Variants in STXBP5 observed in about 807,000 individuals in gnomAD.
The protein encoded by STXBP5 is syntaxin-binding protein 5.
A neutral mutation model predicts 152.4 loss-of-function variants in STXBP5; 50 were observed. The ratio of observed to expected loss-of-function variants is 0.33; its 90% CI spans 0.26 to 0.42. STXBP5 has a LOEUF of 0.42. Ranked by LOEUF, STXBP5 falls within the 10% of genes least tolerant of loss-of-function variation. The probability of loss-of-function intolerance (pLI) is 1.00; values close to 1 mark genes in which losing one functional copy is unlikely to be tolerated. For synonymous variants in STXBP5, 492 were observed against 494.7 expected (o/e 0.99, Z 0.07); for missense variants, 1,167 against 1,388.6 (o/e 0.84, Z 2.54).
chr6:147,347,395 CATG>C (rs1002683428), intron 21 of STXBP5, among the ~76,000 whole-genome samples: 2 of 152,240 alleles, frequency 1.3e-5, no homozygotes, highest in African/African-American at 4.8e-5. Context: ...AGAACTACCT[CATG>C]ATGAAAGTTC....
Position 147,240,933 on chromosome 6 carries a change from A to G in STXBP5, c.431+1663A>G, listed in dbSNP as rs1778510059. On this transcript the variant is annotated intron_variant, in intron 4 of 27. Transcript: ENST00000321680. ...TGAGGTAACTGGTGACTTTTTTGAC[A>G]TAGTAGGTACTTAGTAAGTATTTGA... is the stretch of plus-strand genomic sequence containing the variant. 2.0e-5 allele frequency among the ~76,000 whole-genome samples: 3 copies of G among 152,276 alleles called. No homozygotes were observed. The South Asian group carries it at 6.2e-4, about 32-fold the overall frequency.
intron 9 of STXBP5, among the ~76,000 whole-genome samples, chr6:147,306,218 A>G (rs2128366530): frequency 6.6e-6 from 1 of 152,272 alleles, no homozygotes; most frequent in Non-Finnish European, 1.5e-5. Context: ...GGTATTTTGA[A>G]TATTTCTTTG....
At chr6:147,372,148 G>C (rs752119778) in intron 25 of STXBP5, among the ~76,000 whole-genome samples, 44 of 152,070 alleles carry the variant, frequency 2.9e-4, no homozygotes, top group Non-Finnish European at 5.9e-4. Flanking sequence ...AAAAACGTAA[G>C]AGCTTCAGTC....
In STXBP5 at chr6:147,339,172, T is replaced by G. The variant is rs1783975938; in HGVS notation, c.2147-7T>G. Reference sequence around the variant, plus strand: ...ACCTATTCCTTCCGTTGTCTTCATTTGTGTAGGTTCTTCATCACCACACAA... The same window carrying G: ...ACCTATTCCTTCCGTTGTCTTCATTGGTGTAGGTTCTTCATCACCACACAA... On this transcript the variant is annotated splice_polypyrimidine_tract_variant and splice_region_variant and intron_variant, in intron 19 of 27. Transcript: ENST00000321680. 6.5e-7 allele frequency: 1 copy of G among 1,537,774 alleles called. No homozygotes were observed. Among genetic ancestry groups the G allele is most frequent in the East Asian group, 2.5e-5 (1 of 40,400 alleles).
chr6:147,295,389 G>A (rs545414279), intron 9 of STXBP5, among the ~76,000 whole-genome samples: 8 of 152,274 alleles, frequency 5.3e-5, no homozygotes, highest in South Asian at 2.1e-4. Flanking sequence ...ACCTAAAAGC[G>A]AATATTGGGT....
intron 16 of STXBP5, among the ~76,000 whole-genome samples, chr6:147,321,044 G>A (rs1782912169): frequency 6.6e-6 from 1 of 152,112 alleles, no homozygotes; most frequent in African/African-American, 2.4e-5. Flanking sequence ...GTAGAATATT[G>A]TACAAGCTAG....
At chr6:147,260,587 C>A (rs1022726521) in intron 4 of STXBP5, 28 bp from the exon 5 acceptor site, 1 of 1,612,692 alleles carries the variant, frequency 6.2e-7, no homozygotes, top group African/African-American at 1.3e-5. Flanking sequence ...TTTCAAATTT[C>A]TTTTTTGAGT....
intron 21 of STXBP5, among the ~76,000 whole-genome samples, chr6:147,348,409 T>C (rs1265354933): frequency 1.5e-5 from 2 of 132,766 alleles, no homozygotes; most frequent in Admixed American, 8.3e-5. Flanking sequence ...GCATGCAAAA[T>C]AGACAAGATT....
At chr6:147,252,405 A>C (rs1779140455) in intron 4 of STXBP5, among the ~76,000 whole-genome samples, 1 of 152,090 alleles carries the variant, frequency 6.6e-6, no homozygotes, top group Admixed American at 6.5e-5. Flanking sequence ...AGAGCTGAAA[A>C]GCACAGCTTG....
chr6:147,227,692 T>A (rs200153262), intron 2 of STXBP5, among the ~76,000 whole-genome samples: 1 of 152,172 alleles, frequency 6.6e-6, no homozygotes, highest in Admixed American at 6.6e-5. Flanking sequence ...TTTTCCATGT[T>A]TGTTTCCTTT....
At chr6:147,321,584 G>T (rs1782938503) in intron 16 of STXBP5, among the ~76,000 whole-genome samples, 1 of 152,010 alleles carries the variant, frequency 6.6e-6, no homozygotes, top group Non-Finnish European at 1.5e-5. Context: ...AAAAAAAGAG[G>T]TAAAAAAGAA....
intron 4 of STXBP5, among the ~76,000 whole-genome samples, chr6:147,253,628 A>G (rs547081029): frequency 1.3e-5 from 2 of 152,222 alleles, no homozygotes; most frequent in Non-Finnish European, 2.9e-5. Flanking sequence ...ATCATTGTGC[A>G]AAAATCATAA....
At chr6:147,342,797 G>A (rs963629308) in intron 21 of STXBP5, among the ~76,000 whole-genome samples, 4 of 151,984 alleles carry the variant, frequency 2.6e-5, no homozygotes, top group East Asian at 3.8e-4. Flanking sequence ...AATTTTTCAT[G>A]ATATCCTTAT....
Position 147,266,940 on chromosome 6 carries a change from A to G in STXBP5, c.631-144A>G, listed in dbSNP as rs79811932. The G allele has an allele frequency of 2.2e-3, 1,487 of 672,740 alleles. 18 individuals carry two copies. The African/African-American group carries it at 0.025, about 11-fold the overall frequency. The allele number at this position is 672,740 out of a possible 1,614,324, so 41.7% of individuals were successfully genotyped here. A position where few individuals can be genotyped will look rare whatever the true frequency, so the allele number is the denominator to read the frequency against. On this transcript the variant is annotated intron_variant, in intron 6 of 27. Coordinates refer to ENST00000321680, the MANE Select transcript of STXBP5 (RefSeq NM_001127715.4). ...GTTCTCATTTGTCATTTACGTGATT[A>G]CTAATTAGCAATGCAGATGTTTGTT... is the stretch of plus-strand genomic sequence containing the variant.
At chr6:147,232,624 C>A (rs552799369) in intron 2 of STXBP5, among the ~76,000 whole-genome samples, 1 of 151,596 alleles carries the variant, frequency 6.6e-6, no homozygotes, top group Non-Finnish European at 1.5e-5. Flanking sequence ...TTTCTCTGAG[C>A]CTTAGATATA....
Position 147,316,359 on chromosome 6 carries a change from C to A in STXBP5, c.1754C>A (p.Thr585Asn). 1 of 1,596,128 alleles carries A rather than the reference C, an allele frequency of 6.3e-7. No individual in the cohort carries two copies. Among genetic ancestry groups the A allele is most frequent in the Middle Eastern group, 1.7e-4 (1 of 5,962 alleles). Reference sequence around the variant, plus strand: ...ATCCCTCCTCAGTCTCATCCATCTACCAGTAGCAGTTCATCTGATGGGCTT... The same window carrying A: ...ATCCCTCCTCAGTCTCATCCATCTAACAGTAGCAGTTCATCTGATGGGCTT... Reference protein sequence around the residue: ...QPIPPQSHPSTSSSSSDGLRD... With the variant: ...QPIPPQSHPSNSSSSSDGLRD... Residue 585 changes from threonine (T) to asparagine (N), a missense_variant, in exon 16 of 28, where the codon ACC (threonine) becomes AAC (asparagine). This residue lies in a region of STXBP5 where 833 missense variants were observed against 986.3 expected (regional missense o/e 0.84). Coordinates refer to ENST00000321680, the MANE Select transcript of STXBP5 (RefSeq NM_001127715.4).
chr6:147,241,527 T>C (rs776676668), intron 4 of STXBP5, among the ~76,000 whole-genome samples: 1 of 152,214 alleles, frequency 6.6e-6, no homozygotes, highest in Admixed American at 6.5e-5. Flanking sequence ...AGCCATGTGT[T>C]GCATAACGAT....
chr6:147,206,146 G>A (rs1041298174), intron 2 of STXBP5, 78 bp downstream of exon 2: 1 of 1,295,056 alleles, frequency 7.7e-7, no homozygotes, highest in Non-Finnish European at 1.1e-6. Context: ...TAGTTCCAAA[G>A]AAAGTTTTTA....
intron 10 of STXBP5, 30 bp downstream of exon 10, chr6:147,310,268 C>G: frequency 1.4e-6 from 2 of 1,384,008 alleles, no homozygotes; most frequent in South Asian, 1.7e-5. Flanking sequence ...AGCTCATTCT[C>G]TATAGAGAGC....
Sources: allele counts gnomAD v4.1 joint callset (sites outside exome capture counted in the v4.1 genomes callset), GRCh38; gene constraint gnomAD v4.1.1; regional missense constraint gnomAD v4.1.1; transcripts MANE v1.5; gene names NCBI Gene and HGNC (gene_info 2026-07-23, HGNC 2026-07-21).